PCDH15: variants seen among roughly 807,000 people sequenced by gnomAD.
PCDH15 encodes the protein protocadherin-15.
A neutral mutation model predicts 178.5 loss-of-function variants in PCDH15; 129 were observed. The ratio of observed to expected loss-of-function variants is 0.72; its 90% CI spans 0.63 to 0.84. The LOEUF is 0.84. Ranked by LOEUF, PCDH15 falls within the 40% of genes least tolerant of loss-of-function variation. The pLI is 0.00. For missense variants in PCDH15, 2,230 were observed against 2,099.9 expected (o/e 1.06, Z -1.21); for synonymous variants, 800 against 732.0 (o/e 1.09, Z -1.50).
intron 2 of PCDH15, among the ~76,000 whole-genome samples, chr10:55,426,060 G>A (rs1309085643): frequency 6.6e-6 from 1 of 152,140 alleles, no homozygotes; most frequent in Non-Finnish European, 1.5e-5. Context: ...ACTTTTTCAA[G>A]AAGTATAACA....
At chr10:54,846,970 T>C (rs929117927) in intron 3 of PCDH15, among the ~76,000 whole-genome samples, 1 of 152,230 alleles carries the variant, frequency 6.6e-6, no homozygotes, top group South Asian at 2.1e-4. Context: ...CCATATCATT[T>C]ATCCTACGCC....
At chr10:54,731,662 T>C (rs1209206112) in intron 1 of PCDH15, among the ~76,000 whole-genome samples, 1 of 149,256 alleles carries the variant, frequency 6.7e-6, no homozygotes, top group Admixed American at 6.7e-5. Flanking sequence ...AGCAACATGA[T>C]GGAACAGGAG....
At chr10:54,346,590 G>C (rs1417409816) in intron 5 of PCDH15, 106 bp from the exon 6 acceptor site, 2 of 1,323,044 alleles carry the variant, frequency 1.5e-6, no homozygotes, top group East Asian at 2.3e-5. Context: ...GAAGATACCA[G>C]TTGGCAGCCC....
chr10:55,236,990 A>G (rs879864280), intron 1 of PCDH15, among the ~76,000 whole-genome samples: 1 of 152,092 alleles, frequency 6.6e-6, no homozygotes, highest in Non-Finnish European at 1.5e-5. Flanking sequence ...TTATTTTGCA[A>G]CAGTACTATA....
intron 8 of PCDH15, among the ~76,000 whole-genome samples, chr10:54,293,876 TA>T (rs1164474352): frequency 1.3e-5 from 2 of 152,196 alleles, no homozygotes; most frequent in African/African-American, 4.8e-5. Context: ...GGTGGGAGTT[TA>T]AATTATTTCA....
At chr10:55,556,821 A>G (rs150738146) in intron 2 of PCDH15, among the ~76,000 whole-genome samples, 232 of 152,244 alleles carry the variant, frequency 1.5e-3, no homozygotes, top group African/African-American at 5.2e-3. Context: ...ATCGTGGGAG[A>G]CTGTGTCTCA....
At chr10:53,879,668 T>G (rs1348072314) in intron 26 of PCDH15, among the ~76,000 whole-genome samples, 2 of 152,216 alleles carry the variant, frequency 1.3e-5, no homozygotes, top group Non-Finnish European at 2.9e-5. Context: ...TTCTCTCAAA[T>G]AGAAAGATCA....
chr10:54,091,521 T>G (rs747486668), intron 15 of PCDH15, among the ~76,000 whole-genome samples: 1 of 152,178 alleles, frequency 6.6e-6, no homozygotes, highest in South Asian at 2.1e-4. Context: ...CAGAACGTCC[T>G]TATCAGCTAC....
At chr10:54,330,104 C>A (rs1456403753) in intron 6 of PCDH15, among the ~76,000 whole-genome samples, 1 of 151,742 alleles carries the variant, frequency 6.6e-6, no homozygotes, top group African/African-American at 2.4e-5. Flanking sequence ...TACATAGTAT[C>A]AATTGTCAAC....
At chr10:53,909,471 A>T (rs2082914631) in intron 25 of PCDH15, among the ~76,000 whole-genome samples, 2 of 152,208 alleles carry the variant, frequency 1.3e-5, no homozygotes, top group Non-Finnish European at 2.9e-5. Flanking sequence ...ACTCTATTTT[A>T]TTCCTGTAAA....
chr10:55,058,447 T>A (rs11004714), intron 2 of PCDH15, among the ~76,000 whole-genome samples: 1 of 151,998 alleles, frequency 6.6e-6, no homozygotes, highest in Non-Finnish European at 1.5e-5. Flanking sequence ...TGAGTTGAAG[T>A]GATCCACCTG....
chr10:53,967,459 T>C (rs978983377), intron 21 of PCDH15, among the ~76,000 whole-genome samples: 1 of 152,186 alleles, frequency 6.6e-6, no homozygotes. Context: ...TTTGTAGAGA[T>C]AAGGATTTCT....
rs764014712 is a variant in PCDH15 at position 53,807,135 on chromosome 10, T to C, written c.4672-5A>G. 6.4e-7 allele frequency: 1 copy of C among 1,573,632 alleles called. No homozygotes were observed. ...GATCATTCTTTTTCTTGCCCACTGA[T>C]AAAATAAACAAAAATATGTGAGTCA... On this transcript the variant is annotated splice_polypyrimidine_tract_variant and splice_region_variant and intron_variant, in intron 37 of 37. Coordinates refer to ENST00000644397, the MANE Select transcript of PCDH15 (RefSeq NM_001384140.1).
At chr10:55,495,531 C>G (rs1840512854) in intron 2 of PCDH15, among the ~76,000 whole-genome samples, 1 of 151,706 alleles carries the variant, frequency 6.6e-6, no homozygotes, top group Admixed American at 6.6e-5. Flanking sequence ...AAATGAAACT[C>G]AAGACAATGC....
At chr10:55,322,374 G>T (rs985511152), upstream of PCDH15, among the ~76,000 whole-genome samples, 2 of 152,154 alleles carry the variant, frequency 1.3e-5, no homozygotes, top group Non-Finnish European at 2.9e-5. Context: ...AAAACAGTAA[G>T]TTGGTACTGG....
intron 2 of PCDH15, among the ~76,000 whole-genome samples, chr10:55,418,151 T>C (rs1838529866): frequency 6.6e-6 from 1 of 151,614 alleles, no homozygotes; most frequent in African/African-American, 2.4e-5. Context: ...AAATAAAGGG[T>C]ATAACATCAT....
At chr10:54,907,380 TCTGGATACACTATAAATCCCCC>T (rs1343750768) in intron 2 of PCDH15, among the ~76,000 whole-genome samples, 1 of 152,216 alleles carries the variant, frequency 6.6e-6, no homozygotes, top group Non-Finnish European at 1.5e-5. Flanking sequence ...CAACCCTTCC[TCTGGATACACTATAAATCCCCC>T]CTGCAAGCAC....
chr10:54,153,429 T>C (rs2044759892), intron 13 of PCDH15, 136 bp from the exon 14 acceptor site: 2 of 853,224 alleles, frequency 2.3e-6, no homozygotes, highest in Admixed American at 4.9e-5. Flanking sequence ...ATACTGTTTT[T>C]TGTTTTTTGT....
At chr10:55,288,454 T>C (rs1395037890) in intron 1 of PCDH15, among the ~76,000 whole-genome samples, 1 of 151,896 alleles carries the variant, frequency 6.6e-6, no homozygotes, top group Non-Finnish European at 1.5e-5. Flanking sequence ...TAACTCTAGG[T>C]ACTGTTGTGC....
Sources: allele counts gnomAD v4.1 joint callset (sites outside exome capture counted in the v4.1 genomes callset), GRCh38; gene constraint gnomAD v4.1.1; transcripts MANE v1.5; gene names NCBI Gene and HGNC (gene_info 2026-07-23, HGNC 2026-07-21).